Variants in CACNA1I observed in about 807,000 individuals in gnomAD.
CACNA1I encodes the protein calcium voltage-gated channel subunit alpha1 I, also known as voltage-dependent T-type calcium channel subunit alpha-1I.
In CACNA1I, 74 loss-of-function variants were observed where a neutral mutation model predicts 201.6. The ratio of observed to expected loss-of-function variants is 0.37; its 90% CI spans 0.30 to 0.45. CACNA1I has a LOEUF of 0.45. CACNA1I is among the 20% of genes least tolerant of loss of function. The probability of loss-of-function intolerance (pLI) is 1.00; values close to 1 mark genes in which losing one functional copy is unlikely to be tolerated. For synonymous variants in CACNA1I, 1,431 were observed against 1,345.2 expected (o/e 1.06, Z -1.40); for missense variants, 2,346 against 3,138.1 (o/e 0.75, Z 6.03).
chr22:39,662,746 A>AC, intron 17 of CACNA1I, 30 bp from the exon 18 acceptor site: 5 of 1,483,018 alleles, frequency 3.4e-6, no homozygotes, highest in African/African-American at 1.4e-5. Context: ...CGCATCGCTG[A>AC]CCCCCGGCGC....
intron 3 of CACNA1I, among the ~76,000 whole-genome samples, chr22:39,602,567 G>T (rs7291788): frequency 1.3e-5 from 2 of 151,828 alleles, no homozygotes; most frequent in Non-Finnish European, 2.9e-5. Flanking sequence ...TTTTTTAAAA[G>T]AAAAGGTGTT....
intron 18 of CACNA1I, 21 bp from the exon 19 acceptor site, chr22:39,663,697 G>GCCCGC: frequency 5.7e-6 from 9 of 1,592,596 alleles, no homozygotes; most frequent in Non-Finnish European, 7.7e-6. Context: ...CGCTCAGGCA[G>GCCCGC]CCCCCGCCCA....
At chr22:39,571,402 A>ATAGGG (rs1475786344) in intron 1 of CACNA1I, among the ~76,000 whole-genome samples, 1 of 134,972 alleles carries the variant, frequency 7.4e-6, no homozygotes, top group Admixed American at 7.4e-5. Context: ...ATCCCAACAC[A>ATAGGG]CAGGGCAGGA....
chr22:39,597,563 C>T (rs1014188226), intron 1 of CACNA1I, among the ~76,000 whole-genome samples: 1 of 152,232 alleles, frequency 6.6e-6, no homozygotes, highest in African/African-American at 2.4e-5. Context: ...CCAGCCCCAC[C>T]CCATGTGGTG....
chr22:39,654,167 C>A (rs1286532618), intron 10 of CACNA1I, among the ~76,000 whole-genome samples: 4 of 152,192 alleles, frequency 2.6e-5, no homozygotes, highest in Non-Finnish European at 4.4e-5. Context: ...AGATGGCTTG[C>A]CCAAGGTGCC....
intron 1 of CACNA1I, among the ~76,000 whole-genome samples, chr22:39,581,219 G>A (rs1401404377): frequency 6.6e-6 from 1 of 152,184 alleles, no homozygotes; most frequent in Admixed American, 6.5e-5. Context: ...GAGGGGAGAA[G>A]TGGGGAGGCA....
rs1051071401 is a variant in CACNA1I at position 39,629,682 on chromosome 22, C to G, written c.581-4883C>G. On this transcript the variant is annotated intron_variant, in intron 4 of 36. Transcript: ENST00000402142. This position sits in a 1 kb window ranked among gnomAD's most constrained non-coding sequence, Gnocchi z 4.8. Reference sequence around the variant, plus strand: ...CAGGGAACCACAGCTCTCCTGGGCCCCACACTCAGCGCTCCGGTTTCTGTC... The same window carrying G: ...CAGGGAACCACAGCTCTCCTGGGCCGCACACTCAGCGCTCCGGTTTCTGTC... 1.3e-5 allele frequency among the ~76,000 whole-genome samples: 2 copies of G among 152,120 alleles called. No individual in the cohort carries two copies. The highest frequency in any genetic ancestry group is 2.4e-5 in the African/African-American group (1 of 41,406).
chr22:39,624,487 G>A (rs909505189), intron 4 of CACNA1I, among the ~76,000 whole-genome samples: 3 of 152,162 alleles, frequency 2.0e-5, no homozygotes, highest in Non-Finnish European at 2.9e-5. Context: ...TCGGCTTCCC[G>A]CCCCTGAGCC....
intron 8 of CACNA1I, 81 bp from the exon 9 acceptor site, chr22:39,647,741 G>T: frequency 2.0e-6 from 2 of 984,004 alleles, no homozygotes; most frequent in South Asian, 1.3e-5. Context: ...CTTGGAAGGG[G>T]CTGCCCTGTT....
At position 39,662,085 on chromosome 22, in the gene CACNA1I, T is replaced by C. The variant is rs1355711042; in HGVS notation, c.3022T>C (p.Ser1008Pro). Reference sequence around the variant, plus strand: ...GTCGGCGGAGCATGAGTCCCTGCTCTCTGCGGAGCGCGGCGGCGGCGCCCG... The same window carrying C: ...GTCGGCGGAGCATGAGTCCCTGCTCCCTGCGGAGCGCGGCGGCGGCGCCCG... ...PPSAEHESLL[S>P]AERGGGARVC... The change falls in exon 17 of 37, where the codon TCT (serine) becomes CCT (proline). Residue 1008 changes from serine to proline, a missense_variant. Around this residue, in one of 13 missense-constraint regions of CACNA1I, gnomAD observed 288 missense variants for 255.2 expected, o/e 1.13. Coordinates refer to ENST00000402142, the MANE Select transcript of CACNA1I (RefSeq NM_021096.4). The C allele has an allele frequency of 1.3e-6, 2 of 1,533,500 alleles. No individual in the cohort carries two copies. The allele number at this position is 1,533,500 out of a possible 1,614,324, so 95.0% of individuals were successfully genotyped here.
At chr22:39,635,853 C>T (rs890450107) in intron 5 of CACNA1I, among the ~76,000 whole-genome samples, 1 of 152,202 alleles carries the variant, frequency 6.6e-6, no homozygotes. Flanking sequence ...CTGACACCTC[C>T]TCCTAGAGGC....
intron 1 of CACNA1I, among the ~76,000 whole-genome samples, chr22:39,592,538 T>C (rs1427118331): frequency 6.6e-6 from 1 of 152,100 alleles, no homozygotes; most frequent in Non-Finnish European, 1.5e-5. Flanking sequence ...CCGACTGCAG[T>C]GAGGGCCTGA....
Position 39,664,696 on chromosome 22 carries a change from C to T in CACNA1I, c.3667-43C>T, listed in dbSNP as rs749852635. 1.2e-5 allele frequency: 11 copies of T among 909,640 alleles called. No individual in the cohort carries two copies. In the Admixed American group the frequency reaches 2.4e-4, roughly 20 times the overall value. 56.3% of individuals were successfully genotyped at this position (909,640 alleles called of 1,614,324 possible). On this transcript the variant is annotated intron_variant, in intron 20 of 36. Coordinates refer to ENST00000402142, the MANE Select transcript of CACNA1I (RefSeq NM_021096.4). Reference sequence around the variant, plus strand: ...CCGGTTGGCCCCGCCCACCTGCCCGCCCCTCCCGCGGCAGCCTGACCCCGG... The same window carrying T: ...CCGGTTGGCCCCGCCCACCTGCCCGTCCCTCCCGCGGCAGCCTGACCCCGG...
chr22:39,672,373 C>T, intron 27 of CACNA1I, 65 bp downstream of exon 27: 3 of 1,125,042 alleles, frequency 2.7e-6, no homozygotes, highest in Non-Finnish European at 4.1e-6. Flanking sequence ...GCAGTCCTGA[C>T]CCTTAGGGAA....
intron 8 of CACNA1I, 136 bp downstream of exon 8, chr22:39,647,017 C>T (rs1179616917): frequency 6.0e-6 from 8 of 1,338,092 alleles, no homozygotes; most frequent in East Asian, 2.6e-5. Flanking sequence ...TTCACAGCCC[C>T]CAGGGACCTC....
chr22:39,637,164 C>A (rs1241337666), intron 5 of CACNA1I, among the ~76,000 whole-genome samples: 1 of 152,204 alleles, frequency 6.6e-6, no homozygotes, highest in African/African-American at 2.4e-5. Context: ...GCCCTCTGTA[C>A]TGTCTCACTG....
chr22:39,662,482 C>A (rs1210973783), intron 17 of CACNA1I, 47 bp downstream of exon 17: 1 of 1,316,770 alleles, frequency 7.6e-7, no homozygotes, highest in Non-Finnish European at 1.0e-6. Flanking sequence ...TGGGATAGGA[C>A]AGAAGTGGGT....
intron 4 of CACNA1I, among the ~76,000 whole-genome samples, chr22:39,623,087 G>A (rs756543035): frequency 6.6e-6 from 1 of 152,242 alleles, no homozygotes; most frequent in Non-Finnish European, 1.5e-5. Context: ...CGCTGAGGCT[G>A]CAGGCGGGCT....
At chr22:39,587,622 C>G (rs1468588216) in intron 1 of CACNA1I, 2 of 360,890 alleles carry the variant, frequency 5.5e-6, no homozygotes, top group African/African-American at 2.2e-5. Flanking sequence ...AGGTTCAAAT[C>G]CTGGCTCTGT....
Sources: gnomAD v4.1 joint callset for allele counts (sites outside exome capture counted in the v4.1 genomes callset) on GRCh38, gnomAD v4.1.1 for gene constraint, gnomAD v4.1.1 regional missense constraint, Gnocchi (gnomAD v3.1) non-coding constraint, MANE v1.5 for transcripts, NCBI Gene and HGNC (gene_info 2026-07-23, HGNC 2026-07-21) for gene names.